WDR87: variants seen among roughly 807,000 people sequenced by gnomAD.
The protein encoded by WDR87 is WD repeat domain 87, also known as WD repeat-containing protein 87.
Under a neutral mutation model 83.3 loss-of-function variants are expected in WDR87, and 56 were observed. That is an observed-to-expected ratio of 0.67 (90% CI 0.54 to 0.84). WDR87 has a LOEUF of 0.84. Ranked by LOEUF, WDR87 falls within the 40% of genes least tolerant of loss-of-function variation. The probability of loss-of-function intolerance (pLI) is 0.00; values close to 1 mark genes in which losing one functional copy is unlikely to be tolerated. For missense variants in WDR87, 2,939 were observed against 3,431.9 expected, an observed-to-expected ratio of 0.86 and a Z score of 3.59; for synonymous variants, 1,173 against 1,250.6, an observed-to-expected ratio of 0.94 and a Z score of 1.31.
chr19:37,885,277 G>T lies in WDR87; in HGVS notation c.8394C>A (p.Asp2798Glu). ...TTCTGGGGGACTTAAGTTGGTACAGGTCCATGAGCTGGTAGAACTGTTCCA... is the reference window on the plus strand; with the variant it reads ...TTCTGGGGGACTTAAGTTGGTACAGTTCCATGAGCTGGTAGAACTGTTCCA... ...AWMEQFYQLM[D>E]LYQLKSPRIQ... The change falls in exon 6 of 6, where the codon GAC becomes GAA. Residue 2798 changes from aspartate (D) to glutamate (E), a missense_variant. By Grantham distance (45) the Asp-to-Glu change is conservative. Transcript: ENST00000447313. 5 of 1,542,262 alleles carry T rather than the reference G, an allele frequency of 3.2e-6. No homozygotes were observed. The highest frequency in any genetic ancestry group is 4.4e-6 in the Non-Finnish European group (5 of 1,142,696).
chr19:37,895,075 G>A lies in WDR87; in HGVS notation c.628C>T (p.Leu210Phe). The change falls in exon 4 of 6, where the codon CTC becomes TTC. Residue 210 changes from leucine to phenylalanine, a missense_variant. By Grantham distance (22) the Leu-to-Phe change is conservative (BLOSUM62 0). This residue lies in a region of WDR87 where 226 missense variants were observed against 320.9 expected (regional missense o/e 0.70). Coordinates refer to ENST00000447313, the MANE Select transcript of WDR87 (RefSeq NM_001291088.2). ...ACCACCGTCTCACACAGGGCCAGGA[G>A]GGAGCCACTGGGACCATTCAGCACG... ...DIVLNGPSGS[L>F]LALCETVVRV... is the part of the protein sequence containing the mutation. 2 of 1,551,726 alleles carry A rather than the reference G, an allele frequency of 1.3e-6. No homozygotes were observed. The highest frequency in any genetic ancestry group is 1.7e-6 in the Non-Finnish European group (2 of 1,147,000).
chr19:37,899,157 G>C (rs1181678765), intron 1 of WDR87, among the ~76,000 whole-genome samples: 2 of 152,058 alleles, frequency 1.3e-5, no homozygotes, highest in Non-Finnish European at 1.5e-5. Context: ...CGTGGCTCAC[G>C]CCTGCAATCC....
chr19:37,898,321 C>T, intron 1 of WDR87, 36 bp from the exon 2 acceptor site: 1 of 1,503,830 alleles, frequency 6.6e-7, no homozygotes, highest in Middle Eastern at 2.3e-4. Flanking sequence ...TTAGTCACTG[C>T]CATTTTCCGA....
Position 37,890,248 on chromosome 19 carries a change from C to G in WDR87, c.3423G>C (p.Lys1141Asn). The G allele has an allele frequency of 6.5e-7, 1 of 1,534,516 alleles. No individual in the cohort carries two copies. Among genetic ancestry groups the G allele is most frequent in the Non-Finnish European group, 8.8e-7 (1 of 1,136,558 alleles). ...HSQKWLRGLK[K>N]TKERDSKQMS... ...TCTGTTTAGAGTCTCTCTCTTTCGT[C>G]TTCTTGAGACCCCGCAACCATTTTT... Residue 1141 changes from lysine (K) to asparagine (N), a missense_variant, in exon 6 of 6, where the codon AAG becomes AAC. Coordinates refer to ENST00000447313, the MANE Select transcript of WDR87 (RefSeq NM_001291088.2).
Position 37,905,839 on chromosome 19 carries a change from C to T in WDR87, c.-47+660G>A, listed in dbSNP as rs188328746. ...AAAGTGCAGGGTATATTTCTCTTAGCTAGTATTGCTCTACATTGTTGTAGT... is the reference window on the plus strand; with the variant it reads ...AAAGTGCAGGGTATATTTCTCTTAGTTAGTATTGCTCTACATTGTTGTAGT... On this transcript the variant is annotated intron_variant, in intron 1 of 5. Transcript: ENST00000447313. Among the ~76,000 whole-genome samples, 41 of 152,240 alleles carry T rather than the reference C, an allele frequency of 2.7e-4. No homozygotes were observed. In the East Asian group the frequency reaches 7.7e-3, roughly 29 times the overall value.
chr19:37,885,806 G>A lies in WDR87; in HGVS notation c.7865C>T (p.Ser2622Leu). The A allele has an allele frequency of 6.4e-7, 1 of 1,551,752 alleles. No individual in the cohort carries two copies. The change falls in exon 6 of 6, where the codon TCA (serine) becomes TTA (leucine). Residue 2622 changes from serine (S) to leucine (L), a missense_variant. Ser to Leu is a moderately radical substitution (Grantham distance 145, BLOSUM62 -2). Coordinates refer to ENST00000447313, the MANE Select transcript of WDR87 (RefSeq NM_001291088.2). ...IVYRHRQALE[S>L]QDTRISSRQS... is the part of the protein sequence containing the mutation. The stretch of plus-strand genomic sequence containing the variant: ...TCTACTTGAGATCCTTGTGTCTTGT[G>A]ACTCCAGGGCCTGTCTGTGACGGTA...
Position 37,886,955 on chromosome 19 carries a change from C to T in WDR87, c.6716G>A (p.Arg2239Lys). ...TTTGTCACCTCTCTTGGCCTCTTTC[C>T]TCTTTCTCCACCTTCGTTTAAGGAA... is the stretch of plus-strand genomic sequence containing the variant. ...IPFLKRRWRKRKEAKRGDKPK... is the reference protein window; with the variant it reads ...IPFLKRRWRKKKEAKRGDKPK... The change falls in exon 6 of 6, where the codon AGG (arginine) becomes AAG (lysine). Residue 2239 changes from arginine to lysine, a missense_variant. This residue lies in a region of WDR87 where 2,160 missense variants were observed against 2,533.1 expected (regional missense o/e 0.85). Coordinates refer to ENST00000447313, the MANE Select transcript of WDR87 (RefSeq NM_001291088.2). 1 of 1,551,926 alleles carries T rather than the reference C, an allele frequency of 6.4e-7. No individual in the cohort carries two copies. Among genetic ancestry groups the T allele is most frequent in the Non-Finnish European group, 8.7e-7 (1 of 1,147,038 alleles).
intron 1 of WDR87, among the ~76,000 whole-genome samples, chr19:37,904,106 G>C (rs1008361813): frequency 1.3e-5 from 2 of 151,866 alleles, no homozygotes; most frequent in African/African-American, 4.8e-5. Context: ...GTTTCACCAT[G>C]TTAGCCTCGA....
chr19:37,894,567 C>T lies in WDR87; in HGVS notation c.1136G>A (p.Arg379Gln), dbSNP rs186078008. Residue 379 changes from arginine to glutamine, a missense_variant, in exon 4 of 6, where the codon CGG becomes CAG. Physicochemically the swap from Arg to Gln is conservative, Grantham distance 43. Around this residue, in one of 3 missense-constraint regions of WDR87, gnomAD observed 553 missense variants for 577.9 expected, o/e 0.96. Transcript: ENST00000447313. Reference protein sequence around the residue: ...RRVCCGNNWFRILCTTEDGLL... With the variant: ...RRVCCGNNWFQILCTTEDGLL... ...GCCATCCTCAGTGGTACACAGGATC[C>T]GGAACCAGTTATTTCCACAGCAGAC... 1.9e-5 allele frequency: 30 copies of T among 1,551,662 alleles called. No homozygotes were observed. In the East Asian group the frequency reaches 3.2e-4, roughly 16 times the overall value.
Position 37,893,755 on chromosome 19 carries a change from C to T in WDR87, c.1948G>A (p.Gly650Ser). 1 of 1,551,574 alleles carries T rather than the reference C, an allele frequency of 6.4e-7. No individual in the cohort carries two copies. The highest frequency in any genetic ancestry group is 8.7e-7 in the Non-Finnish European group (1 of 1,147,032). The change falls in exon 4 of 6, where the codon GGC becomes AGC. Residue 650 changes from glycine to serine, a missense_variant. Physicochemically the swap from Gly to Ser is moderately conservative, Grantham distance 56. Transcript: ENST00000447313. ...CGGTCATTTGCAAAACAGACTGGGC[C>T]AAAGTGCAGTGATGAGTCCAGAATG... The part of the protein sequence containing the change: ...IGILDSSLHF[G>S]PVCFANDRGD...
chr19:37,892,206 A>G (rs1005527005), intron 4 of WDR87, among the ~76,000 whole-genome samples: 17 of 152,180 alleles, frequency 1.1e-4, no homozygotes, highest in Non-Finnish European at 2.4e-4. Flanking sequence ...CAGCCTGGGC[A>G]ATATAGTGAG....
chr19:37,885,520 A>T lies in WDR87; in HGVS notation c.8151T>A (p.His2717Gln). Reference sequence around the variant, plus strand: ...CCAGGGTTTGTTTTTCCACAGAGGCATGGGCACTTGGAAAAATGTCTCTGG... The same window carrying T: ...CCAGGGTTTGTTTTTCCACAGAGGCTTGGGCACTTGGAAAAATGTCTCTGG... ...PATRDIFPSA[H>Q]ASVEKQTLAL... The change falls in exon 6 of 6, where the codon CAT becomes CAA. Residue 2717 changes from histidine to glutamine, a missense_variant. His to Gln is a conservative substitution (Grantham distance 24). Around this residue, in one of 3 missense-constraint regions of WDR87, gnomAD observed 2,160 missense variants for 2,533.1 expected, o/e 0.85. Transcript: ENST00000447313. The T allele has an allele frequency of 6.4e-7, 1 of 1,551,730 alleles. No individual in the cohort carries two copies. The highest frequency in any genetic ancestry group is 8.7e-7 in the Non-Finnish European group (1 of 1,147,002).
At chr19:37,897,346 C>G (rs557618532) in intron 2 of WDR87, among the ~76,000 whole-genome samples, 8 of 151,050 alleles carry the variant, frequency 5.3e-5, no homozygotes, top group African/African-American at 1.9e-4. Context: ...GTAGCTGAAA[C>G]TACAGGCACG....
At position 37,894,836 on chromosome 19, in the gene WDR87, G is replaced by A; in HGVS notation, c.867C>T (p.Ile289=). The change falls in exon 4 of 6, where the codon ATC becomes ATT. Residue 289 remains isoleucine (I), a synonymous_variant. Transcript: ENST00000447313. Reference sequence around the variant, plus strand: ...GGGTGTGGGCCTCTGGTCGGCTGCGGATACAGATCACTCCTGATTGATGGG... The same window carrying A: ...GGGTGTGGGCCTCTGGTCGGCTGCGAATACAGATCACTCCTGATTGATGGG... ...FQAHQSGVIC[I]RSRPEAHTLL... 1.9e-6 allele frequency: 3 copies of A among 1,551,744 alleles called. No homozygotes were observed. Among genetic ancestry groups the A allele is most frequent in the South Asian group, 2.4e-5 (2 of 84,066 alleles).
chr19:37,885,959 A>G lies in WDR87; in HGVS notation c.7712T>C (p.Leu2571Pro). The change falls in exon 6 of 6, where the codon CTA becomes CCA. Residue 2571 changes from leucine (L) to proline (P), a missense_variant. Physicochemically the swap from Leu to Pro is moderately conservative, Grantham distance 98. Coordinates refer to ENST00000447313, the MANE Select transcript of WDR87 (RefSeq NM_001291088.2). Reference protein sequence around the residue: ...LSDVEWIRHVLERMEAGEQLS... With the variant: ...LSDVEWIRHVPERMEAGEQLS... ...CTGTTCTCCCGCTTCCATTCGTTCT[A>G]GGACATGGCGGATCCACTCTACATC... The G allele has an allele frequency of 6.4e-7, 1 of 1,552,166 alleles. No homozygotes were observed. The highest frequency in any genetic ancestry group is 8.7e-7 in the Non-Finnish European group (1 of 1,147,102).
In WDR87 at chr19:37,886,548, C is replaced by T. The variant is rs1420012269; in HGVS notation, c.7123G>A (p.Glu2375Lys). 20 of 1,504,224 alleles carry T rather than the reference C, an allele frequency of 1.3e-5. No individual in the cohort carries two copies. The highest frequency in any genetic ancestry group is 1.8e-5 in the Non-Finnish European group (20 of 1,131,298). 93.2% of individuals were successfully genotyped at this position (1,504,224 alleles called of 1,614,324 possible). A position where few individuals can be genotyped will look rare whatever the true frequency, so the allele number is the denominator to read the frequency against. Residue 2375 changes from glutamate to lysine, a missense_variant, in exon 6 of 6, where the codon GAG (glutamate) becomes AAG (lysine). Physicochemically the swap from Glu to Lys is moderately conservative, Grantham distance 56. Coordinates refer to ENST00000447313, the MANE Select transcript of WDR87 (RefSeq NM_001291088.2). Reference protein sequence around the residue: ...EEEESCSLEEEVDREKEILKK... With the variant: ...EEEESCSLEEKVDREKEILKK... ...AAGATCTCTTTTTCCCTGTCCACCTCTTCTTCCAATGAGCAGCTCTCCTCT... is the reference window on the plus strand; with the variant it reads ...AAGATCTCTTTTTCCCTGTCCACCTTTTCTTCCAATGAGCAGCTCTCCTCT...
chr19:37,905,218 G>A (rs1337126351), intron 1 of WDR87, among the ~76,000 whole-genome samples: 1 of 148,408 alleles, frequency 6.7e-6, no homozygotes, highest in Non-Finnish European at 1.5e-5. Context: ...GCGACAGAGT[G>A]GGACTCCGTC....
chr19:37,895,045 C>T lies in WDR87; in HGVS notation c.658G>A (p.Val220Ile). The T allele has an allele frequency of 6.4e-7, 1 of 1,551,684 alleles. No homozygotes were observed. Among genetic ancestry groups the T allele is most frequent in the Non-Finnish European group, 8.7e-7 (1 of 1,146,972 alleles). ...TGGCCCTTGCCCTGGTGCATAAGGACCCTCACCACCGTCTCACACAGGGCC... is the reference window on the plus strand; with the variant it reads ...TGGCCCTTGCCCTGGTGCATAAGGATCCTCACCACCGTCTCACACAGGGCC... ...LLALCETVVR[V>I]LMHQGKGQLG... is the part of the protein sequence containing the mutation. The change falls in exon 4 of 6, where the codon GTC (valine) becomes ATC (isoleucine). Residue 220 changes from valine (V) to isoleucine (I), a missense_variant. Transcript: ENST00000447313.
Position 37,890,351 on chromosome 19 carries a change from G to A in WDR87, c.3395-75C>T, listed in dbSNP as rs551930422. Reference sequence around the variant, plus strand: ...TGAAACCCTTCCCAATATTAGGTGTGAGCTAAGAAGAACTGTCATATAAGA... The same window carrying A: ...TGAAACCCTTCCCAATATTAGGTGTAAGCTAAGAAGAACTGTCATATAAGA... On this transcript the variant is annotated intron_variant, in intron 5 of 5. Transcript: ENST00000447313. 9 of 1,428,836 alleles carry A rather than the reference G, an allele frequency of 6.3e-6. No homozygotes were observed. In the South Asian group the frequency reaches 1.2e-4, roughly 20 times the overall value. 88.5% of individuals were successfully genotyped at this position (1,428,836 alleles called of 1,614,324 possible). A position where few individuals can be genotyped will look rare whatever the true frequency, so the allele number is the denominator to read the frequency against.
Sources: gnomAD v4.1 joint callset for allele counts (sites outside exome capture counted in the v4.1 genomes callset) on GRCh38, gnomAD v4.1.1 for gene constraint, gnomAD v4.1.1 regional missense constraint, MANE v1.5 for transcripts, NCBI Gene and HGNC (gene_info 2026-07-23, HGNC 2026-07-21) for gene names.